MAGED1: variants seen among roughly 807,000 people sequenced by gnomAD.
MAGED1 encodes the protein MAGE family member D1.
Under a neutral mutation model 54.1 loss-of-function variants are expected in MAGED1, and 3 were observed. The observed-to-expected ratio is 0.06, with a 90% CI of 0.03 to 0.14. MAGED1 has a LOEUF of 0.14. Ranked by LOEUF, MAGED1 falls within the 10% of genes least tolerant of loss-of-function variation. MAGED1 has a pLI of 1.00. For missense variants in MAGED1, 485 were observed against 623.4 expected, an observed-to-expected ratio of 0.78 and a Z score of 2.36; for synonymous variants, 217 against 227.3, an observed-to-expected ratio of 0.95 and a Z score of 0.41.
At chrX:51,873,438 G>T (rs782426725) in intron 1 of MAGED1, among the ~76,000 whole-genome samples, 1 of 109,959 alleles carries the variant, frequency 9.1e-6, no homozygotes, top group East Asian at 2.9e-4. Flanking sequence ...GGGACAATAT[G>T]TGGAGATAAT....
intron 1 of MAGED1, among the ~76,000 whole-genome samples, chrX:51,839,235 A>G (rs1418599920): frequency 1.8e-5 from 2 of 111,964 alleles, no homozygotes; most frequent in East Asian, 5.6e-4. Context: ...ACTTAAATTT[A>G]TCTCAATCTA....
chrX:51,898,054 C>T, intron 7 of MAGED1, 60 bp from the exon 8 acceptor site: 7 of 1,064,722 alleles, frequency 6.6e-6, no homozygotes, highest in Non-Finnish European at 7.8e-6. Context: ...GATGGGCAAG[C>T]TGGTTGGGGT....
upstream of MAGED1, among the ~76,000 whole-genome samples, chrX:51,892,316 C>A (rs1319230202): frequency 1.8e-5 from 2 of 112,280 alleles, no homozygotes; most frequent in Non-Finnish European, 3.8e-5. Flanking sequence ...CGTGCGGGCT[C>A]ACACAGCTCG....
chrX:51,826,491 T>G (rs1925857609), intron 1 of MAGED1, among the ~76,000 whole-genome samples: 1 of 111,593 alleles, frequency 9.0e-6, no homozygotes, highest in South Asian at 3.8e-4. Context: ...AAGATTGTCC[T>G]TCTCCATTGA....
Position 51,895,595 on chromosome X carries a change from G to T in MAGED1, c.588G>T (p.Gln196His), listed in dbSNP as rs1324386205. ...CTAAGGCCCCAACAGCTGATACCCA[G>T]ACCCAGAATGTAAATCAGGCCAAAA... ...DTTKAPTADT[Q>H]TQNVNQAKMA... The change falls in exon 3 of 13, where the codon CAG becomes CAT. Residue 196 changes from glutamine (Q) to histidine (H), a missense_variant. Gln to His is a conservative substitution (Grantham distance 24, BLOSUM62 0). Coordinates refer to ENST00000326587, the MANE Select transcript of MAGED1 (RefSeq NM_006986.4). 1 of 1,210,173 alleles carries T rather than the reference G, an allele frequency of 8.3e-7. No homozygotes were observed. The highest frequency in any genetic ancestry group is 1.7e-5 in the African/African-American group (1 of 57,215).
intron 9 of MAGED1, 90 bp downstream of exon 9, chrX:51,898,417 G>A (rs2088793879): frequency 9.0e-7 from 1 of 1,105,552 alleles, no homozygotes; most frequent in South Asian, 2.0e-5. Flanking sequence ...TGGGGGTCTG[G>A]AGGGTTTGGT....
At chrX:51,815,645 C>A (rs1925389049) in intron 1 of MAGED1, among the ~76,000 whole-genome samples, 1 of 109,089 alleles carries the variant, frequency 9.2e-6, no homozygotes, top group African/African-American at 3.4e-5. Flanking sequence ...GCCTCAGCCT[C>A]CGGAGTTCTG....
intron 1 of MAGED1, among the ~76,000 whole-genome samples, chrX:51,861,190 T>G (rs1254657206): frequency 8.9e-6 from 1 of 111,743 alleles, no homozygotes; most frequent in African/African-American, 3.3e-5. Context: ...TCAACTCTCA[T>G]CATATCCCTT....
At chrX:51,837,259 G>C (rs1236933259) in intron 1 of MAGED1, among the ~76,000 whole-genome samples, 1 of 112,154 alleles carries the variant, frequency 8.9e-6, no homozygotes, top group Non-Finnish European at 1.9e-5. Context: ...AAGTTCAGCT[G>C]AGAGTTTAAA....
chrX:51,896,438 C>T lies in MAGED1; in HGVS notation c.783C>T (p.Ser261=). The change falls in exon 4 of 13, where the codon AGC becomes AGT. Residue 261 remains serine, a synonymous_variant. Coordinates refer to ENST00000326587, the MANE Select transcript of MAGED1 (RefSeq NM_006986.4). ...KINNLNVEEN[S]SGDQRRAPLA... ...ATAACTTGAATGTTGAAGAGAACAG[C>T]AGTGGGGATCAGAGGCGGGCCCCAC... The T allele has an allele frequency of 1.7e-6, 2 of 1,210,331 alleles. No individual in the cohort carries two copies. Among genetic ancestry groups the T allele is most frequent in the Non-Finnish European group, 2.2e-6 (2 of 894,627 alleles).
chrX:51,885,196 G>A (rs1420455133), intron 1 of MAGED1, among the ~76,000 whole-genome samples: 2 of 112,142 alleles, frequency 1.8e-5, no homozygotes, highest in African/African-American at 6.5e-5. Flanking sequence ...AAAAATGTAT[G>A]AGTGTTCCTC....
At chrX:51,868,218 C>T (rs1222796417) in intron 1 of MAGED1, among the ~76,000 whole-genome samples, 2 of 111,779 alleles carry the variant, frequency 1.8e-5, no homozygotes, top group Non-Finnish European at 3.8e-5. Context: ...TGAGAAACTT[C>T]TCTGTTATAT....
chrX:51,821,615 C>T (rs1217033332), intron 1 of MAGED1, among the ~76,000 whole-genome samples: 2 of 111,396 alleles, frequency 1.8e-5, no homozygotes, highest in Admixed American at 9.5e-5. Context: ...GTCTCAAACA[C>T]CTGGACTCAA....
intron 1 of MAGED1, among the ~76,000 whole-genome samples, chrX:51,831,594 C>T (rs1388492000): frequency 1.8e-5 from 2 of 112,095 alleles, no homozygotes; most frequent in Non-Finnish European, 3.8e-5. Context: ...GCCTGGGCGA[C>T]AGAGTCAGTT....
intron 1 of MAGED1, among the ~76,000 whole-genome samples, chrX:51,880,026 A>G (rs1928003844): frequency 8.9e-6 from 1 of 112,872 alleles, no homozygotes; most frequent in Admixed American, 9.3e-5. Flanking sequence ...GCCAGAGAGG[A>G]CAAGACTACA....
At chrX:51,886,292 A>G (rs1928232250) in intron 1 of MAGED1, among the ~76,000 whole-genome samples, 1 of 111,092 alleles carries the variant, frequency 9.0e-6, no homozygotes, top group African/African-American at 3.3e-5. Context: ...GAACGTTCCC[A>G]ATACAAAGAA....
rs782302321 is a variant in MAGED1 at position 51,853,003 on chromosome X, C to A, written c.-36-41266C>A. Among the ~76,000 whole-genome samples the A allele has an allele frequency of 3.6e-3, 397 of 111,592 alleles. 1 individual carries two copies. Among genetic ancestry groups the A allele is most frequent in the Non-Finnish European group, 6.6e-3 (350 of 53,126 alleles). ...CTGACTACTGCTTGATGAATGAGAGCAGTTTGAGTCTCTTACCTTCTTTTT... is the reference window on the plus strand; with the variant it reads ...CTGACTACTGCTTGATGAATGAGAGAAGTTTGAGTCTCTTACCTTCTTTTT... On this transcript the variant is annotated intron_variant, in intron 1 of 12. Coordinates refer to the MAGED1 transcript ENST00000375772.
chrX:51,877,026 T>TTA (rs1269642339), intron 1 of MAGED1, among the ~76,000 whole-genome samples: 1 of 111,134 alleles, frequency 9.0e-6, no homozygotes, highest in African/African-American at 3.3e-5. Context: ...TCTGAATTGT[T>TTA]TTCTAGTAAA....
intron 1 of MAGED1, among the ~76,000 whole-genome samples, chrX:51,810,590 G>A (rs143498281): frequency 3.6e-5 from 4 of 111,855 alleles, no homozygotes; most frequent in African/African-American, 1.3e-4. Context: ...ATTCTAGTGT[G>A]GATATGAGCA....
Sources: gnomAD v4.1 joint callset for allele counts (sites outside exome capture counted in the v4.1 genomes callset) on GRCh38, gnomAD v4.1.1 for gene constraint, MANE v1.5 for transcripts, NCBI Gene and HGNC (gene_info 2026-07-23, HGNC 2026-07-21) for gene names.